IRAG1: variants seen among roughly 807,000 people sequenced by gnomAD.
IRAG1 encodes the protein IP3R-associated cGMP kinase substrate.
Under a neutral mutation model 106.2 loss-of-function variants are expected in IRAG1, and 62 were observed. The ratio of observed to expected loss-of-function variants is 0.58; its 90% CI spans 0.48 to 0.72. IRAG1 has a LOEUF of 0.72. IRAG1 is among the 30% of genes least tolerant of loss of function. The pLI, the probability that IRAG1 is intolerant of heterozygous loss-of-function variation, is 0.00. For synonymous variants in IRAG1, 462 were observed against 443.9 expected (o/e 1.04, Z -0.51); for missense variants, 1,064 against 1,140.7 (o/e 0.93, Z 0.97).
chr11:10,623,605 A>G (rs1397962184), intron 10 of IRAG1, among the ~76,000 whole-genome samples, 173 bp downstream of exon 10: 1 of 152,166 alleles, frequency 6.6e-6, no homozygotes, highest in Non-Finnish European at 1.5e-5. Flanking sequence ...GGTTGGAAGG[A>G]GGCAGGTTTG....
At position 10,574,282 on chromosome 11, in the gene IRAG1, T is replaced by C. The variant is rs1564883108; in HGVS notation, c.*2050A>G. 6.6e-6 allele frequency: 1 copy of C among 152,212 alleles called. No individual in the cohort carries two copies. The highest frequency in any genetic ancestry group is 1.5e-5 in the Non-Finnish European group (1 of 68,058). 9.4% of individuals were successfully genotyped at this position (152,212 alleles called of 1,614,324 possible). A position where few individuals can be genotyped will look rare whatever the true frequency, so the allele number is the denominator to read the frequency against. On this transcript the variant is annotated 3_prime_UTR_variant, in exon 21 of 21. Transcript: ENST00000423302. ...GTGATGGTGCTGGTACTGAGAAGCA[T>C]GCAGCATGTCAGCTGTCCCCAGGCT... is the stretch of plus-strand genomic sequence containing the variant.
Position 10,581,792 on chromosome 11 carries a change from A to G in IRAG1, c.2360+75T>C. 1.9e-6 allele frequency: 3 copies of G among 1,556,556 alleles called. No homozygotes were observed. The East Asian group carries it at 6.8e-5, about 35-fold the overall frequency. ...TGGTTACTTCCCTAAAGCCTCTAAG[A>G]AACAAGAAAGACCCATGGGAAGGCA... is the stretch of plus-strand genomic sequence containing the variant. On this transcript the variant is annotated intron_variant, in intron 19 of 20. Transcript: ENST00000423302.
At chr11:10,595,437 C>A (rs1853187284) in intron 15 of IRAG1, among the ~76,000 whole-genome samples, 1 of 152,016 alleles carries the variant, frequency 6.6e-6, no homozygotes, top group Non-Finnish European at 1.5e-5. Flanking sequence ...TTAGCATGTC[C>A]TCTTAACTTT....
At position 10,623,776 on chromosome 11, in the gene IRAG1, A is replaced by G. The variant is rs757630632; in HGVS notation, c.1447+2T>C. 3 of 1,613,962 alleles carry G rather than the reference A, an allele frequency of 1.9e-6. No homozygotes were observed. In the Admixed American group the frequency reaches 5.0e-5, roughly 27 times the overall value. ...GACAGCATCTGCCCCAACCCCACCT[A>G]CCTTTTTCCTGCTCAGCTGCTTCAC... On this transcript the variant is annotated splice_donor_variant, in intron 10 of 20. Coordinates refer to ENST00000423302, the MANE Select transcript of IRAG1 (RefSeq NM_130385.4). LOFTEE classifies it high-confidence loss of function.
chr11:10,591,175 T>C (rs1401819617), intron 18 of IRAG1, among the ~76,000 whole-genome samples: 3 of 152,152 alleles, frequency 2.0e-5, no homozygotes, highest in Non-Finnish European at 4.4e-5. Context: ...GCAAGGAAGT[T>C]GTAGACTCGC....
At position 10,626,405 on chromosome 11, in the gene IRAG1, G is replaced by C; in HGVS notation, c.929C>G (p.Thr310Arg). Residue 310 changes from threonine (T) to arginine (R), a missense_variant, in exon 9 of 21, where the codon ACA (threonine) becomes AGA (arginine). Thr to Arg is a moderately conservative substitution (Grantham distance 71). Transcript: ENST00000423302. The stretch of plus-strand genomic sequence containing the variant: ...CAGGGCCATTTTCCCACTGCTGTTT[G>C]TAACAGGAGCTAGGCCTTTGGGTGT... ...ETTPKGLAPV[T>R]NSSGKMALNS... 17 of 1,613,992 alleles carry C rather than the reference G, an allele frequency of 1.1e-5. No individual in the cohort carries two copies. The highest frequency in any genetic ancestry group is 1.4e-5 in the Non-Finnish European group (17 of 1,179,880).
intron 10 of IRAG1, among the ~76,000 whole-genome samples, chr11:10,623,398 G>T (rs111474767): frequency 6.6e-6 from 1 of 152,234 alleles, no homozygotes; most frequent in South Asian, 2.1e-4. Context: ...CAGGGCTGGG[G>T]TATGGACTTT....
At position 10,606,735 on chromosome 11, in the gene IRAG1, C is replaced by A; in HGVS notation, c.1602+7G>T. 1 of 1,594,476 alleles carries A rather than the reference C, an allele frequency of 6.3e-7. No individual in the cohort carries two copies. The highest frequency in any genetic ancestry group is 1.3e-5 in the African/African-American group (1 of 74,786). On this transcript the variant is annotated splice_region_variant and intron_variant, in intron 12 of 20. Transcript: ENST00000423302. ...ACTAAATTTCATAACACACTTGAGT[C>A]ACTTACCTCAACTTCCTTTTCAGTG...
In IRAG1 at chr11:10,659,112, A is replaced by C. The variant is rs1859194151; in HGVS notation, c.68-6930T>G. Reference sequence around the variant, plus strand: ...TGGTTTCAAAGCCCCAGTTCTTTCCACTATCCCTGTACTCATGATGACTCC... The same window carrying C: ...TGGTTTCAAAGCCCCAGTTCTTTCCCCTATCCCTGTACTCATGATGACTCC... On this transcript the variant is annotated intron_variant, in intron 1 of 20. Transcript: ENST00000423302. The surrounding 1 kb of genome is among the most constrained non-coding windows in gnomAD (Gnocchi z 4.1). Among the ~76,000 whole-genome samples, 1 of 152,158 alleles carries C rather than the reference A, an allele frequency of 6.6e-6. No homozygotes were observed. The highest frequency in any genetic ancestry group is 6.5e-5 in the Admixed American group (1 of 15,284).
At chr11:10,603,649 GC>G (rs1478135274) in intron 13 of IRAG1, among the ~76,000 whole-genome samples, 1 of 151,998 alleles carries the variant, frequency 6.6e-6, no homozygotes, top group Non-Finnish European at 1.5e-5. Flanking sequence ...AAATGTCTGT[GC>G]CCCCCACAAA....
At chr11:10,616,009 A>T (rs181665362) in intron 10 of IRAG1, among the ~76,000 whole-genome samples, 236 of 142,156 alleles carry the variant, frequency 1.7e-3, no homozygotes, top group Non-Finnish European at 3.0e-3. Context: ...ATTTATGTTT[A>T]AAAAATCCAC....
rs760933081 is a variant in IRAG1 at position 10,652,060 on chromosome 11, C to CG, written c.189dup (p.Gly64ArgfsTer78). On this transcript the variant is annotated frameshift_variant, in exon 2 of 21. Transcript: ENST00000423302. LOFTEE classifies it high-confidence loss of function. ...GGGCTCTGGGCTGCCTGTGGCTCTC[C>CG]GGGGGGCTCCTCGTCCTCGGGAATG... is the stretch of plus-strand genomic sequence containing the variant. The CG allele has an allele frequency of 3.8e-6, 6 of 1,591,706 alleles. No homozygotes were observed. The highest frequency in any genetic ancestry group is 1.1e-5 in the South Asian group (1 of 87,678).
Position 10,649,929 on chromosome 11 carries a change from G to A in IRAG1, c.225+2096C>T, listed in dbSNP as rs367883603. On this transcript the variant is annotated intron_variant, in intron 2 of 20. Transcript: ENST00000423302. ...GTGCCATGATTCTCTCTGTGCCCAT[G>A]GGAAATCAAGACTATAGAGAGAATG... Among the ~76,000 whole-genome samples, 28 of 152,270 alleles carry A rather than the reference G, an allele frequency of 1.8e-4. No individual in the cohort carries two copies. The East Asian group carries it at 2.7e-3, about 15-fold the overall frequency.
chr11:10,693,415 TC>T, intron 1 of IRAG1, 120 bp downstream of exon 1: 1 of 1,455,104 alleles, frequency 6.9e-7, no homozygotes, highest in South Asian at 1.4e-5. Flanking sequence ...CAAAGCCAGC[TC>T]CCCTGGAAAG....
intron 1 of IRAG1, among the ~76,000 whole-genome samples, chr11:10,692,214 C>CACACAT (rs58057711): frequency 2.6e-5 from 4 of 151,916 alleles, no homozygotes; most frequent in African/African-American, 7.3e-5. Flanking sequence ...CACACATACA[C>CACACAT]GCACTATGGA....
rs1191850533 is a variant in IRAG1 at position 10,593,581 on chromosome 11, C to T, written c.2086G>A (p.Val696Ile). The change falls in exon 17 of 21, where the codon GTC (valine) becomes ATC (isoleucine). Residue 696 changes from valine (V) to isoleucine (I), a missense_variant. Val to Ile is a conservative substitution (Grantham distance 29, BLOSUM62 3). Transcript: ENST00000423302. The part of the protein sequence containing the change: ...TLGKNMPRRR[V>I]SVAVVPKFNA... The stretch of plus-strand genomic sequence containing the variant: ...AACTTAGGAACCACAGCAACGCTGA[C>T]CCTCCGGCGAGGCATATTCTGCAGG... The T allele has an allele frequency of 6.2e-7, 1 of 1,613,750 alleles. No homozygotes were observed. The highest frequency in any genetic ancestry group is 2.2e-5 in the East Asian group (1 of 44,882).
At position 10,634,001 on chromosome 11, in the gene IRAG1, G is replaced by C; in HGVS notation, c.296C>G (p.Pro99Arg). The change falls in exon 3 of 21, where the codon CCA becomes CGA. Residue 99 changes from proline (P) to arginine (R), a missense_variant. Coordinates refer to ENST00000423302, the MANE Select transcript of IRAG1 (RefSeq NM_130385.4). Reference sequence around the variant, plus strand: ...CAGGTTTTTGTCGGTTTCTCCTTCTGGTGAAGTGGCATCCCCAGTCAGGAC... The same window carrying C: ...CAGGTTTTTGTCGGTTTCTCCTTCTCGTGAAGTGGCATCCCCAGTCAGGAC... ...TIVLTGDATSPEGETDKNLAN... is the reference protein window; with the variant it reads ...TIVLTGDATSREGETDKNLAN... 1.2e-6 allele frequency: 2 copies of C among 1,611,896 alleles called. No individual in the cohort carries two copies. The highest frequency in any genetic ancestry group is 1.7e-6 in the Non-Finnish European group (2 of 1,178,794).
chr11:10,673,057 C>A (rs1049509237), intron 1 of IRAG1, among the ~76,000 whole-genome samples: 1 of 152,016 alleles, frequency 6.6e-6, no homozygotes, highest in African/African-American at 2.4e-5. Context: ...CTGAGACGGG[C>A]GAATCACTTG....
chr11:10,645,410 T>A (rs1271816766), intron 2 of IRAG1, among the ~76,000 whole-genome samples: 2 of 152,264 alleles, frequency 1.3e-5, no homozygotes, highest in Non-Finnish European at 2.9e-5. Flanking sequence ...CAAGCCTCAG[T>A]ATCCTGATCT....
Sources: gnomAD v4.1 joint callset for allele counts (sites outside exome capture counted in the v4.1 genomes callset) on GRCh38, gnomAD v4.1.1 for gene constraint, Gnocchi (gnomAD v3.1) non-coding constraint, MANE v1.5 for transcripts, NCBI Gene and HGNC (gene_info 2026-07-23, HGNC 2026-07-21) for gene names.